ME3: variants seen among roughly 807,000 people sequenced by gnomAD.
ME3 encodes NADP-dependent malic enzyme, mitochondrial.
Under a neutral mutation model 68.9 loss-of-function variants are expected in ME3, and 48 were observed. The ratio of observed to expected loss-of-function variants is 0.70; its 90% CI spans 0.55 to 0.89. ME3 has a LOEUF of 0.89. Ranked by LOEUF, ME3 falls within the 40% of genes least tolerant of loss-of-function variation. The pLI is 0.00. For synonymous variants in ME3, 320 were observed against 318.8 expected, an observed-to-expected ratio of 1.00 and a Z score of -0.04; for missense variants, 675 against 797.4, an observed-to-expected ratio of 0.85 and a Z score of 1.85.
rs768003025 is a variant in ME3, at chr11:86,509,424, ACACACG to A, written c.468-563_468-558del. Among the ~76,000 whole-genome samples, 955 of 145,410 alleles carry A rather than the reference ACACACG, an allele frequency of 6.6e-3. 3 individuals are homozygous for A. The highest frequency in any genetic ancestry group is 0.011 in the Non-Finnish European group (734 of 63,970). On this transcript the variant is annotated intron_variant, in intron 4 of 14. Coordinates refer to ENST00000543262, the Ensembl canonical transcript of ME3. The stretch of plus-strand genomic sequence containing the variant: ...CACACACACACACACACACACACAC[ACACACG>A]CATGTGCGAAGGCAATGGGGTTTGG...
At chr11:86,628,641 A>G (rs776512498) in intron 2 of ME3, among the ~76,000 whole-genome samples, 1 of 152,194 alleles carries the variant, frequency 6.6e-6, no homozygotes, top group Non-Finnish European at 1.5e-5. Context: ...TGATCTAGAC[A>G]TCAGTCTTAC....
chr11:86,560,764 A>G (rs1422267121), intron 2 of ME3, among the ~76,000 whole-genome samples: 1 of 140,320 alleles, frequency 7.1e-6, no homozygotes, highest in East Asian at 2.3e-4. Flanking sequence ...ATATATATAT[A>G]TATATATATT....
At chr11:86,540,520 C>T (rs984550399) in intron 4 of ME3, among the ~76,000 whole-genome samples, 6 of 152,154 alleles carry the variant, frequency 3.9e-5, no homozygotes, top group African/African-American at 1.4e-4. Context: ...CTTCACATCC[C>T]TCTATGAAAC....
At position 86,498,376 on chromosome 11, in the gene ME3, G is replaced by C. The variant is rs1008926389; in HGVS notation, c.544-252C>G. 3.3e-5 allele frequency among the ~76,000 whole-genome samples: 5 copies of C among 152,198 alleles called. No homozygotes were observed. In the South Asian group the frequency reaches 1.0e-3, roughly 32 times the overall value. On this transcript the variant is annotated intron_variant, in intron 5 of 14. Transcript: ENST00000543262. The stretch of plus-strand genomic sequence containing the variant: ...CTGCCTTGCATTCTGAGCTTCAGGT[G>C]GGGGCTGCAGAAACAGCTGGAGGGA...
chr11:86,604,050 G>A (rs1223864185), intron 2 of ME3, among the ~76,000 whole-genome samples: 1 of 151,206 alleles, frequency 6.6e-6, no homozygotes, highest in South Asian at 2.1e-4. Flanking sequence ...ACATATGTAA[G>A]TAACTGGCAC....
chr11:86,649,352 A>G (rs913954654), intron 2 of ME3, among the ~76,000 whole-genome samples: 1 of 152,212 alleles, frequency 6.6e-6, no homozygotes, highest in Non-Finnish European at 1.5e-5. Context: ...CCCACAGCCA[A>G]TATCATACTG....
rs2139486411 is a variant in ME3, at chr11:86,562,394, T to C, written c.184-2571A>G. On this transcript the variant is annotated intron_variant, in intron 2 of 14. Coordinates refer to ENST00000543262, the Ensembl canonical transcript of ME3. ...GTGAGAACATAAGTTTTTTAATCAG[T>C]TGGATAATATGTTGGAGTGCAACTG... Among the ~76,000 whole-genome samples, 3 of 152,306 alleles carry C rather than the reference T, an allele frequency of 2.0e-5. No individual in the cohort carries two copies. The South Asian group carries it at 6.2e-4, about 32-fold the overall frequency.
chr11:86,671,861 G>C, exon 2 of ME3: 2 of 1,580,654 alleles, frequency 1.3e-6, no homozygotes, highest in Non-Finnish European at 1.7e-6. Flanking sequence ...GGGCGGGCGC[G>C]GTGGGTGTCC....
chr11:86,540,427 C>A (rs1445144163), intron 4 of ME3, among the ~76,000 whole-genome samples: 1 of 152,128 alleles, frequency 6.6e-6, no homozygotes, highest in Non-Finnish European at 1.5e-5. Flanking sequence ...TCTTCTTTGG[C>A]CTCTTGAACC....
chr11:86,625,984 C>T (rs1486820796), intron 2 of ME3, among the ~76,000 whole-genome samples: 2 of 152,024 alleles, frequency 1.3e-5, no homozygotes, highest in Non-Finnish European at 2.9e-5. Context: ...GTACATAGTG[C>T]TATATAAGTA....
intron 2 of ME3, among the ~76,000 whole-genome samples, chr11:86,574,704 A>G (rs1371716734): frequency 6.6e-6 from 1 of 152,202 alleles, no homozygotes; most frequent in African/African-American, 2.4e-5. Context: ...AAGTCACAGC[A>G]TTCCAGACAA....
At chr11:86,621,624 C>G (rs577782560) in intron 2 of ME3, among the ~76,000 whole-genome samples, 2 of 151,676 alleles carry the variant, frequency 1.3e-5, no homozygotes, top group Non-Finnish European at 2.9e-5. Context: ...CAACTTTGAA[C>G]TTGTTTTTGT....
At chr11:86,515,307 A>G (rs1386480771) in intron 4 of ME3, among the ~76,000 whole-genome samples, 4 of 152,128 alleles carry the variant, frequency 2.6e-5, no homozygotes, top group Admixed American at 6.5e-5. Flanking sequence ...CAGGCCCTTT[A>G]TGTACATTGT....
intron 2 of ME3, among the ~76,000 whole-genome samples, chr11:86,567,951 G>A (rs1341116693): frequency 6.6e-6 from 1 of 152,208 alleles, no homozygotes; most frequent in Non-Finnish European, 1.5e-5. Context: ...GGGTATATGA[G>A]GGGTCTGAAG....
intron 2 of ME3, among the ~76,000 whole-genome samples, chr11:86,578,140 T>C (rs569728298): frequency 6.6e-6 from 1 of 152,158 alleles, no homozygotes; most frequent in Non-Finnish European, 1.5e-5. Context: ...TGAATCACTC[T>C]CTTGGCAAAA....
downstream of ME3, among the ~76,000 whole-genome samples, chr11:86,439,549 AAAAGG>A (rs1466352126): frequency 6.6e-6 from 1 of 152,234 alleles, no homozygotes; most frequent in Non-Finnish European, 1.5e-5. Flanking sequence ...TAAAGAGAAA[AAAAGG>A]GAAGGGAAGG....
chr11:86,497,587 C>G (rs1170498487), intron 6 of ME3, among the ~76,000 whole-genome samples: 1 of 152,110 alleles, frequency 6.6e-6, no homozygotes, highest in African/African-American at 2.4e-5. Context: ...ACTGGGGCAG[C>G]CTGCCTTGAG....
At chr11:86,629,253 G>A (rs1943862963) in intron 2 of ME3, among the ~76,000 whole-genome samples, 1 of 152,194 alleles carries the variant, frequency 6.6e-6, no homozygotes, top group Non-Finnish European at 1.5e-5. Context: ...ATAACATTCA[G>A]AGCAGCTGGA....
At chr11:86,660,285 G>A (rs1050708416) in intron 2 of ME3, among the ~76,000 whole-genome samples, 3 of 152,206 alleles carry the variant, frequency 2.0e-5, no homozygotes, top group African/African-American at 7.2e-5. Flanking sequence ...GATGCTTTCA[G>A]GGGGCATGTA....
Sources: allele counts gnomAD v4.1 joint callset (sites outside exome capture counted in the v4.1 genomes callset), GRCh38; gene constraint gnomAD v4.1.1; transcripts MANE v1.5; gene names NCBI Gene and HGNC (gene_info 2026-07-23, HGNC 2026-07-21).